ACCSL: variants seen among roughly 807,000 people sequenced by gnomAD.
The protein encoded by ACCSL is probable inactive 1-aminocyclopropane-1-carboxylate synthase-like protein 2.
In ACCSL, 55 loss-of-function variants were observed where a neutral mutation model predicts 61.7. The observed-to-expected ratio is 0.89, with a 90% CI of 0.72 to 1.12. ACCSL has a LOEUF of 1.12. ACCSL is among the 50% of genes most tolerant of loss of function. ACCSL has a pLI of 0.00. For synonymous variants in ACCSL, 258 were observed against 264.3 expected, an observed-to-expected ratio of 0.98 and a Z score of 0.23; for missense variants, 632 against 698.0, an observed-to-expected ratio of 0.91 and a Z score of 1.07.
At chr11:43,926,369 C>A in the ACCSL span, 1 of 340,138 alleles carries the variant, frequency 2.9e-6, no homozygotes, top group Non-Finnish European at 5.8e-6. Flanking sequence ...CCTAGCCTGG[C>A]AAGGGTCGCC....
chr11:44,046,593 T>C (rs763401754), upstream of ACCSL, among the ~76,000 whole-genome samples: 12 of 152,174 alleles, frequency 7.9e-5, no homozygotes, highest in Non-Finnish European at 1.5e-4. Flanking sequence ...TTTGAAGAAG[T>C]TGGACAGAGT....
At chr11:44,009,403 A>G in the ACCSL span, among the ~76,000 whole-genome samples, 2 of 152,190 alleles carry the variant, frequency 1.3e-5, no homozygotes, top group African/African-American at 4.8e-5. Flanking sequence ...GGATTAGCAG[A>G]GTTGGAAGAG....
the ACCSL span, among the ~76,000 whole-genome samples, chr11:43,946,749 G>A: frequency 1.3e-5 from 2 of 152,152 alleles, no homozygotes; most frequent in African/African-American, 4.8e-5. Context: ...CAGTTTCTTA[G>A]TTTTCCCACA....
chr11:44,030,057 A>ATTTT, the ACCSL span, among the ~76,000 whole-genome samples: 6 of 4,454 alleles, frequency 1.3e-3, 1 homozygote, highest in African/African-American at 5.6e-3. Flanking sequence ...TCTTTGGTTG[A>ATTTT]TTTTTTTTTT....
At chr11:43,924,688 G>T in the ACCSL span, among the ~76,000 whole-genome samples, 1 of 152,254 alleles carries the variant, frequency 6.6e-6, no homozygotes, top group African/African-American at 2.4e-5. Context: ...GAGGCCAGCT[G>T]GGTCATCGCT....
At chr11:44,006,854 C>T in the ACCSL span, among the ~76,000 whole-genome samples, 4 of 152,040 alleles carry the variant, frequency 2.6e-5, no homozygotes, top group South Asian at 2.1e-4. Context: ...CAGCATGATG[C>T]CTGGCAGGAA....
At chr11:44,007,705 G>A in the ACCSL span, among the ~76,000 whole-genome samples, 53 of 152,276 alleles carry the variant, frequency 3.5e-4, no homozygotes, top group African/African-American at 9.6e-4. Context: ...GCCCCAGAGC[G>A]CCTCAGGGAG....
At chr11:43,938,921 T>C in the ACCSL span, among the ~76,000 whole-genome samples, 1 of 152,232 alleles carries the variant, frequency 6.6e-6, no homozygotes, top group Non-Finnish European at 1.5e-5. Context: ...CTTTGTTTGG[T>C]TTAAAGTTTG....
the ACCSL span, among the ~76,000 whole-genome samples, chr11:43,989,437 C>T: frequency 1.3e-5 from 2 of 152,226 alleles, no homozygotes; most frequent in African/African-American, 2.4e-5. Flanking sequence ...CAGAGCTGCA[C>T]GCTCCTGGTC....
the ACCSL span, among the ~76,000 whole-genome samples, chr11:44,030,570 T>C: frequency 2.0e-5 from 3 of 152,272 alleles, no homozygotes; most frequent in East Asian, 5.8e-4. Context: ...GGGATTTTTT[T>C]TGGATCCTGG....
the ACCSL span, among the ~76,000 whole-genome samples, chr11:44,040,627 T>C: frequency 3.3e-5 from 5 of 152,156 alleles, no homozygotes; most frequent in South Asian, 2.1e-4. Flanking sequence ...CAGTCAATGA[T>C]GGTTTGCTCA....
chr11:44,042,183 A>C, the ACCSL span, among the ~76,000 whole-genome samples: 1 of 152,186 alleles, frequency 6.6e-6, no homozygotes, highest in African/African-American at 2.4e-5. Context: ...ATTTGACTAT[A>C]AAGTATGGGG....
the ACCSL span, among the ~76,000 whole-genome samples, chr11:43,940,620 A>G: frequency 5.4e-3 from 819 of 151,974 alleles, 5 homozygotes; most frequent in Non-Finnish European, 8.5e-3. Context: ...TAAGCCTCCC[A>G]AAGTGCTGGG....
the ACCSL span, among the ~76,000 whole-genome samples, chr11:44,040,482 A>G: frequency 9.2e-5 from 14 of 152,206 alleles, no homozygotes; most frequent in African/African-American, 2.9e-4. Context: ...TTCCTGGGGA[A>G]GATCACCCTG....
the ACCSL span, among the ~76,000 whole-genome samples, chr11:43,928,378 GAC>G: frequency 6.6e-6 from 1 of 152,198 alleles, no homozygotes; most frequent in African/African-American, 2.4e-5. Context: ...CAGAAAAACA[GAC>G]ACAGGACTCA....
chr11:43,935,248 GCA>G, the ACCSL span, among the ~76,000 whole-genome samples: 2 of 152,132 alleles, frequency 1.3e-5, no homozygotes, highest in Non-Finnish European at 2.9e-5. Context: ...GTGTGTACAC[GCA>G]CACACACGCA....
chr11:44,027,382 A>G, the ACCSL span, among the ~76,000 whole-genome samples: 8 of 152,304 alleles, frequency 5.3e-5, no homozygotes, highest in East Asian at 1.4e-3. Flanking sequence ...CCGCCTATAG[A>G]ATCTTCCAGT....
In ACCSL at chr11:44,058,552, G is replaced by T; in HGVS notation, c.1477G>T (p.Asp493Tyr). 7 of 1,614,012 alleles carry T rather than the reference G, an allele frequency of 4.3e-6. No homozygotes were observed. Among genetic ancestry groups the T allele is most frequent in the Non-Finnish European group, 4.2e-6 (5 of 1,179,942 alleles). The change falls in exon 13 of 14, where the codon GAT becomes TAT. Residue 493 changes from aspartate (D) to tyrosine (Y), a missense_variant. Transcript: ENST00000378832. ...GTTCCTCTGCCCTCCCTAGTACCTG[G>T]ATCCCTGTACATTTGAAGAAGAACG... ...YVWINLKKYL[D>Y]PCTFEEERLL...
the ACCSL span, among the ~76,000 whole-genome samples, chr11:43,947,448 C>T: frequency 2.6e-5 from 4 of 152,230 alleles, no homozygotes; most frequent in African/African-American, 9.6e-5. Flanking sequence ...TCCAAGGTGG[C>T]ACGCAGCTCC....
Sources: allele counts gnomAD v4.1 joint callset (sites outside exome capture counted in the v4.1 genomes callset), GRCh38; gene constraint gnomAD v4.1.1; transcripts MANE v1.5; gene names NCBI Gene and HGNC (gene_info 2026-07-23, HGNC 2026-07-21).